The following BBS5 variants were observed in gnomAD, a reference collection of about 807,000 sequenced individuals.
The protein encoded by BBS5 is Bardet-Biedl syndrome 5.
In BBS5, 39 loss-of-function variants were observed where a neutral mutation model predicts 50.2. The ratio of observed to expected loss-of-function variants is 0.78; its 90% CI spans 0.60 to 1.01. The LOEUF (loss-of-function observed/expected upper bound fraction) is 1.01, where lower values mean the gene tolerates loss of function less well. Ranked by LOEUF, BBS5 falls within the 50% of genes least tolerant of loss-of-function variation. BBS5 has a pLI of 0.00. For synonymous variants in BBS5, 134 were observed against 133.1 expected, an observed-to-expected ratio of 1.01 and a Z score of -0.05; for missense variants, 356 against 401.5, an observed-to-expected ratio of 0.89 and a Z score of 0.97.
intron 1 of BBS5, 52 bp downstream of exon 1, chr2:169,479,664 G>T: frequency 6.2e-7 from 1 of 1,600,178 alleles, no homozygotes; most frequent in South Asian, 1.1e-5. Context: ...GGGCGCCGCC[G>T]TGCGCGTTAG....
rs754978707 is a variant in BBS5 at position 169,487,129 on chromosome 2, A to G, written c.203A>G (p.Asn68Ser). Residue 68 changes from asparagine to serine, a missense_variant, in exon 3 of 12, where the codon AAT becomes AGT. By Grantham distance (46) the Asn-to-Ser change is conservative. Coordinates refer to ENST00000295240, the MANE Select transcript of BBS5 (RefSeq NM_152384.3). ...CACTCTTTGGCATTATCAAGAGTCA[A>G]TGTTTGTAAGTATCTTTGTTAGATA... The part of the protein sequence containing the change: ...LWHSLALSRV[N>S]VSVGYNCILN... The G allele has an allele frequency of 2.2e-5, 35 of 1,607,124 alleles. No individual in the cohort carries two copies. Among genetic ancestry groups the G allele is most frequent in the Admixed American group, 1.7e-4 (10 of 59,972 alleles).
intron 9 of BBS5, among the ~76,000 whole-genome samples, chr2:169,500,630 C>A (rs1208085649): frequency 6.6e-6 from 1 of 152,252 alleles, no homozygotes; most frequent in African/African-American, 2.4e-5. Flanking sequence ...TATATCTCTT[C>A]TTCTGCTCTT....
At chr2:169,497,184 G>C (rs115874575) in intron 7 of BBS5, among the ~76,000 whole-genome samples, 5,743 of 152,240 alleles carry the variant, frequency 0.038, 143 homozygotes, top group East Asian at 0.1. Context: ...ACTGGGCATG[G>C]TGACACATGC....
intron 2 of BBS5, 93 bp from the exon 3 acceptor site, chr2:169,486,976 A>G: frequency 1.2e-6 from 1 of 837,378 alleles, no homozygotes; most frequent in East Asian, 2.4e-5. Flanking sequence ...GTTGCTTCTA[A>G]TACTGGGCCA....
Position 169,482,258 on chromosome 2 carries a change from A to C in BBS5, c.67A>C (p.Lys23Gln), listed in dbSNP as rs773259623. ...CCTTTATATTCACTTTAGGCAAATG[A>C]AAACAAGACCTGGAGAAGTCCTTAT... ...VRFDLSAQQM[K>Q]TRPGEVLIDC... The change falls in exon 2 of 12, where the codon AAA (lysine) becomes CAA (glutamine). Residue 23 changes from lysine (K) to glutamine (Q), a missense_variant. By Grantham distance (53) the Lys-to-Gln change is moderately conservative. Coordinates refer to ENST00000295240, the MANE Select transcript of BBS5 (RefSeq NM_152384.3). The C allele has an allele frequency of 9.3e-6, 15 of 1,607,302 alleles. No homozygotes were observed. The highest frequency in any genetic ancestry group is 5.5e-5 in the South Asian group (5 of 90,986).
At chr2:169,498,678 A>G (rs903739345) in intron 8 of BBS5, among the ~76,000 whole-genome samples, 5 of 151,802 alleles carry the variant, frequency 3.3e-5, no homozygotes, top group Admixed American at 1.3e-4. Context: ...GGTGGCGGGC[A>G]CCTGTAGTCC....
intron 7 of BBS5, among the ~76,000 whole-genome samples, chr2:169,497,314 C>A (rs1683710220): frequency 6.6e-6 from 1 of 152,072 alleles, no homozygotes; most frequent in Non-Finnish European, 1.5e-5. Flanking sequence ...TGAATGAGAC[C>A]TAATTAATTT....
chr2:169,487,163 G>GA lies in BBS5; in HGVS notation c.208+37dup, dbSNP rs562605757. ...AGTATCTTTGTTAGATAAGTCTGAA[G>GA]AAAAAAAATCCTTTGTCAGGTGAAT... On this transcript the variant is annotated intron_variant, in intron 3 of 11. Transcript: ENST00000295240. 5.0e-4 allele frequency: 762 copies of GA among 1,519,130 alleles called. 3 individuals are homozygous for GA. In the African/African-American group the frequency reaches 8.6e-3, roughly 17 times the overall value. The allele number at this position is 1,519,130 out of a possible 1,614,324, so 94.1% of individuals were successfully genotyped here.
intron 8 of BBS5, among the ~76,000 whole-genome samples, chr2:169,498,317 AT>A (rs1295038132): frequency 6.6e-6 from 1 of 152,182 alleles, no homozygotes; most frequent in Non-Finnish European, 1.5e-5. Context: ...TTTTAAATAC[AT>A]TTTTAAAAGT....
chr2:169,492,387 G>A (rs1016082113), intron 5 of BBS5, among the ~76,000 whole-genome samples: 1 of 151,538 alleles, frequency 6.6e-6, no homozygotes, highest in Non-Finnish European at 1.5e-5. Flanking sequence ...CTACTCGGGA[G>A]GCTGAGGCAG....
intron 1 of BBS5, among the ~76,000 whole-genome samples, chr2:169,480,670 C>CTT (rs577688589): frequency 0.018 from 1,327 of 73,196 alleles, 177 homozygotes; most frequent in East Asian, 0.066. Flanking sequence ...TTCTGTCATT[C>CTT]TTTTTTTTTT....
rs776950058 is a variant in BBS5 at position 169,499,635 on chromosome 2, A to T, written c.816+15A>T. ...TGGAAGAAAAGGTAATTTGTTGAGT[A>T]TGTGAAATAAAGTTTGCATTGCTTT... On this transcript the variant is annotated intron_variant, in intron 9 of 11. Transcript: ENST00000295240. 3.7e-6 allele frequency: 6 copies of T among 1,613,082 alleles called. No individual in the cohort carries two copies. The African/African-American group carries it at 6.7e-5, about 18-fold the overall frequency.
At position 169,504,900 on chromosome 2, in the gene BBS5, C is replaced by T; in HGVS notation, c.*318C>T. 2.5e-6 allele frequency: 4 copies of T among 1,613,778 alleles called. No individual in the cohort carries two copies. The highest frequency in any genetic ancestry group is 3.4e-6 in the Non-Finnish European group (4 of 1,179,904). On this transcript the variant is annotated 3_prime_UTR_variant, in exon 12 of 12. Coordinates refer to ENST00000295240, the MANE Select transcript of BBS5 (RefSeq NM_152384.3). ...CTGCACGCCCGGCTGCAAATTCGCC[C>T]AGCCAATGGGGACGTTGCGGCCCAG...
At chr2:169,487,212 A>G (rs933815272) in intron 3 of BBS5, 78 bp downstream of exon 3, 2 of 894,084 alleles carry the variant, frequency 2.2e-6, no homozygotes, top group South Asian at 2.8e-5. Flanking sequence ...TTGATACCAA[A>G]GAAGTATGTA....
intron 10 of BBS5, 143 bp from the exon 11 acceptor site, chr2:169,504,160 T>A (rs374085442): frequency 4.2e-5 from 32 of 755,694 alleles, no homozygotes; most frequent in East Asian, 3.8e-4. Context: ...ATTGTAGAGA[T>A]AGGTGAAAAA....
At chr2:169,493,193 A>T in intron 6 of BBS5, 184 bp downstream of exon 6, 3 of 677,042 alleles carry the variant, frequency 4.4e-6, no homozygotes, top group Non-Finnish European at 7.4e-6. Flanking sequence ...ATACAATGAA[A>T]TATCTGATAA....
rs767221160 is a variant in BBS5 at position 169,487,103 on chromosome 2, G to A, written c.177G>A (p.Trp59Ter). 1.2e-5 allele frequency: 19 copies of A among 1,611,488 alleles called. No individual in the cohort carries two copies. Among genetic ancestry groups the A allele is most frequent in the Non-Finnish European group, 1.6e-5 (19 of 1,178,186 alleles). ...RLLVTNLRIL[W>*]HSLALSRVNV... is the part of the protein sequence containing the mutation. ...TGGTAACAAATTTAAGAATTCTCTG[G>A]CACTCTTTGGCATTATCAAGAGTCA... Residue 59 changes from tryptophan to a stop codon, truncating the protein, a stop_gained, in exon 3 of 12, where the codon TGG becomes TGA. Transcript: ENST00000295240. LOFTEE classifies it high-confidence loss of function.
In BBS5 at chr2:169,503,319, A is replaced by G; in HGVS notation, c.900+141A>G. 3 of 734,014 alleles carry G rather than the reference A, an allele frequency of 4.1e-6. No homozygotes were observed. The South Asian group carries it at 4.7e-5, about 12-fold the overall frequency. 45.5% of individuals were successfully genotyped at this position (734,014 alleles called of 1,614,324 possible). ...ACCTGAGTTTGAAGATAATATTTTT[A>G]GTGAGGGATTTCTTTTGTGACGATA... is the stretch of plus-strand genomic sequence containing the variant. On this transcript the variant is annotated intron_variant, in intron 10 of 11. Coordinates refer to ENST00000295240, the MANE Select transcript of BBS5 (RefSeq NM_152384.3).
chr2:169,482,899 T>C (rs1683424855), intron 2 of BBS5, among the ~76,000 whole-genome samples: 1 of 152,170 alleles, frequency 6.6e-6, no homozygotes, highest in Middle Eastern at 3.2e-3. Flanking sequence ...CTCCCTAAGG[T>C]TGGAACTTTT....
Sources: allele counts gnomAD v4.1 joint callset (sites outside exome capture counted in the v4.1 genomes callset), GRCh38; gene constraint gnomAD v4.1.1; transcripts MANE v1.5; gene names NCBI Gene and HGNC (gene_info 2026-07-23, HGNC 2026-07-21).